TANC2: variants seen among roughly 807,000 people sequenced by gnomAD.
TANC2 encodes the protein tetratricopeptide repeat, ankyrin repeat and coiled-coil containing 2, also known as protein TANC2.
A neutral mutation model predicts 210.5 loss-of-function variants in TANC2; 26 were observed. That is an observed-to-expected ratio of 0.12 (90% CI 0.09 to 0.17). The LOEUF (loss-of-function observed/expected upper bound fraction) is 0.17, where lower values mean the gene tolerates loss of function less well. Ranked by LOEUF, TANC2 falls within the 10% of genes least tolerant of loss-of-function variation. The pLI is 1.00. For missense variants in TANC2, 2,129 were observed against 2,608.9 expected, an observed-to-expected ratio of 0.82 and a Z score of 4.01; for synonymous variants, 931 against 967.1, an observed-to-expected ratio of 0.96 and a Z score of 0.69.
intron 3 of TANC2, among the ~76,000 whole-genome samples, chr17:63,095,858 T>G (rs1025429659): frequency 1.3e-4 from 20 of 152,140 alleles, no homozygotes; most frequent in African/African-American, 4.3e-4. Flanking sequence ...ACAAAGAAGA[T>G]GGAAGAAAAT....
At chr17:63,006,689 T>C (rs1253864689) in intron 1 of TANC2, among the ~76,000 whole-genome samples, 3 of 152,170 alleles carry the variant, frequency 2.0e-5, no homozygotes, top group Non-Finnish European at 4.4e-5. Flanking sequence ...TTGGTATGTG[T>C]TTTGTGTTAT....
At chr17:63,007,242 G>A (rs1048799303) in intron 1 of TANC2, among the ~76,000 whole-genome samples, 5 of 152,088 alleles carry the variant, frequency 3.3e-5, no homozygotes, top group Non-Finnish European at 5.9e-5. Flanking sequence ...ATAGACAAAA[G>A]AGTTATGCTA....
chr17:63,216,489 G>A (rs1386643819), intron 7 of TANC2, among the ~76,000 whole-genome samples: 1 of 152,126 alleles, frequency 6.6e-6, no homozygotes, highest in African/African-American at 2.4e-5. Flanking sequence ...TATTGAACTC[G>A]AGGAGGTTGT....
At chr17:63,086,824 A>T (rs143372428) in intron 3 of TANC2, among the ~76,000 whole-genome samples, 1 of 143,782 alleles carries the variant, frequency 7.0e-6, no homozygotes, top group East Asian at 1.9e-4. Context: ...AGTGCTCTGT[A>T]AAAACACACC....
chr17:63,411,809 C>T, intron 22 of TANC2, 123 bp downstream of exon 22: 9 of 1,414,466 alleles, frequency 6.4e-6, no homozygotes, highest in Non-Finnish European at 8.6e-6. Context: ...CAGATCTATA[C>T]TTGCTAGAGA....
intron 7 of TANC2, among the ~76,000 whole-genome samples, chr17:63,228,658 C>G (rs1335785387): frequency 6.6e-6 from 1 of 152,014 alleles, no homozygotes; most frequent in Non-Finnish European, 1.5e-5. Flanking sequence ...CTCTTGTTAG[C>G]GGTGTTCCTA....
chr17:63,094,377 C>T (rs535754078), intron 3 of TANC2, among the ~76,000 whole-genome samples: 7 of 152,102 alleles, frequency 4.6e-5, no homozygotes, highest in South Asian at 2.1e-4. Flanking sequence ...AATGCAAAAT[C>T]GCTTTGTCTT....
chr17:63,227,030 C>G (rs1463304987), intron 7 of TANC2, among the ~76,000 whole-genome samples: 2 of 152,018 alleles, frequency 1.3e-5, no homozygotes, highest in African/African-American at 4.8e-5. Flanking sequence ...TATTCCATAT[C>G]TTTGCTATTG....
At chr17:63,181,023 CAAAAAAAAA>C (rs1171748208) in intron 5 of TANC2, among the ~76,000 whole-genome samples, 11 of 30,672 alleles carry the variant, frequency 3.6e-4, no homozygotes, top group Admixed American at 1.2e-3. Context: ...GACTCCATCT[CAAAAAAAAA>C]AAAAAAAAAA....
chr17:63,274,050 G>T (rs1046090510), intron 9 of TANC2, among the ~76,000 whole-genome samples: 1 of 152,180 alleles, frequency 6.6e-6, no homozygotes, highest in African/African-American at 2.4e-5. Flanking sequence ...TGTTATTCAT[G>T]AACATGATTT....
chr17:63,368,533 A>G (rs751337305), intron 14 of TANC2, among the ~76,000 whole-genome samples: 4 of 152,254 alleles, frequency 2.6e-5, no homozygotes, highest in Admixed American at 6.5e-5. Context: ...CTAAAAGAAG[A>G]TGATGAGCCA....
chr17:63,099,223 TC>T lies in TANC2; in HGVS notation c.191del (p.Pro64ArgfsTer5). The T allele has an allele frequency of 6.3e-7, 1 of 1,592,494 alleles. No homozygotes were observed. The highest frequency in any genetic ancestry group is 1.8e-5 in the Admixed American group (1 of 56,860). On this transcript the variant is annotated frameshift_variant, in exon 4 of 28. Coordinates refer to ENST00000689528, the Ensembl canonical transcript of TANC2. LOFTEE classifies it high-confidence loss of function. ...TGTGCTTTTGAGCCAGACTACGCTG[TC>T]CCGCCACTTCCAGTGAGTGAAGGTA... is the stretch of plus-strand genomic sequence containing the variant.
intron 7 of TANC2, among the ~76,000 whole-genome samples, chr17:63,234,335 A>C (rs1361889738): frequency 6.6e-6 from 1 of 152,188 alleles, no homozygotes; most frequent in Non-Finnish European, 1.5e-5. Flanking sequence ...TTTTTCCCTA[A>C]AAGTAGGCAG....
At chr17:63,313,925 T>C (rs1476838294) in intron 9 of TANC2, among the ~76,000 whole-genome samples, 3 of 152,234 alleles carry the variant, frequency 2.0e-5, no homozygotes, top group Non-Finnish European at 4.4e-5. Context: ...AAAGAGCTGC[T>C]ACGGTAAGCT....
At position 63,329,154 on chromosome 17, in the gene TANC2, CAT is replaced by C. The variant is rs369973764; in HGVS notation, c.1575+10067_1575+10068del. Among the ~76,000 whole-genome samples, 68 of 152,000 alleles carry C rather than the reference CAT, an allele frequency of 4.5e-4. No individual in the cohort carries two copies. The East Asian group carries it at 0.011, about 25-fold the overall frequency. On this transcript the variant is annotated intron_variant, in intron 11 of 27. Coordinates refer to ENST00000689528, the Ensembl canonical transcript of TANC2. ...TTGAAAAATAGTTATTTTCATAAAA[CAT>C]ATTCTTAGATGTCAGCATGATAGAT...
intron 7 of TANC2, among the ~76,000 whole-genome samples, chr17:63,229,256 C>G (rs533972826): frequency 4.6e-5 from 7 of 152,266 alleles, no homozygotes; most frequent in Admixed American, 1.3e-4. Flanking sequence ...GTTGAACCAG[C>G]CTTGCACCCC....
intron 2 of TANC2, among the ~76,000 whole-genome samples, chr17:63,041,579 CTTTT>C (rs1324017365): frequency 6.6e-6 from 1 of 151,956 alleles, no homozygotes; most frequent in Non-Finnish European, 1.5e-5. Flanking sequence ...TTCAGCTTCT[CTTTT>C]TATTTTTATT....
At chr17:63,081,654 G>A (rs768173151) in intron 3 of TANC2, among the ~76,000 whole-genome samples, 6 of 151,900 alleles carry the variant, frequency 3.9e-5, no homozygotes, top group Non-Finnish European at 4.4e-5. Flanking sequence ...CACTGTTTCC[G>A]CATATATGAG....
At chr17:63,112,155 T>C (rs2038075170) in intron 4 of TANC2, among the ~76,000 whole-genome samples, 1 of 152,196 alleles carries the variant, frequency 6.6e-6, no homozygotes, top group Admixed American at 6.5e-5. Context: ...GAATTGACGG[T>C]CCAGCATTCC....
Sources: gnomAD v4.1 joint callset for allele counts (sites outside exome capture counted in the v4.1 genomes callset) on GRCh38, gnomAD v4.1.1 for gene constraint, MANE v1.5 for transcripts, NCBI Gene and HGNC (gene_info 2026-07-23, HGNC 2026-07-21) for gene names.